Variants in ART5 observed in about 807,000 individuals in gnomAD.
The protein encoded by ART5 is ecto-ADP-ribosyltransferase 5.
A neutral mutation model predicts 25.0 loss-of-function variants in ART5; 22 were observed. The ratio of observed to expected loss-of-function variants is 0.88; its 90% confidence interval spans 0.63 to 1.26. The LOEUF is 1.26. Among genes scored for constraint, ART5 ranks in the 50% most tolerant of loss-of-function variants. The pLI, the probability that ART5 is intolerant of heterozygous loss-of-function variation, is 0.00. For synonymous variants in ART5, 161 were observed against 154.8 expected (o/e 1.04, Z -0.30); for missense variants, 402 against 372.8 (o/e 1.08, Z -0.64).
At chr11:3,641,774 C>T (rs760453952) in intron 1 of ART5, 32 bp downstream of exon 1, 2 of 1,563,280 alleles carry the variant, frequency 1.3e-6, no homozygotes, top group Non-Finnish European at 1.7e-6. Context: ...TTAATGTCCC[C>T]CTTGGGGCTA....
chr11:3,642,228 G>GGCGTT, upstream of ART5: 1 of 1,146,828 alleles, frequency 8.7e-7, no homozygotes, highest in Non-Finnish European at 1.1e-6. Flanking sequence ...GGCTCTGGCG[G>GGCGTT]GCGCTGCGCT....
At position 3,639,657 on chromosome 11, in the gene ART5, A is replaced by T; in HGVS notation, c.772T>A (p.Cys258Ser). 1 of 1,612,502 alleles carries T rather than the reference A, an allele frequency of 6.2e-7. No homozygotes were observed. Residue 258 changes from cysteine (C) to serine (S), a missense_variant, in exon 2 of 4, where the codon TGC becomes AGC. Physicochemically the swap from Cys to Ser is moderately radical, Grantham distance 112 (BLOSUM62 -1). Transcript: ENST00000397068. Reference sequence around the variant, plus strand: ...CACAGCTTACCACCCAGATAGGCGCAGTTAAAATGGCTACAGGTCTGATTA... The same window carrying T: ...CACAGCTTACCACCCAGATAGGCGCTGTTAAAATGGCTACAGGTCTGATTA... Reference protein sequence around the residue: ...SYNQTCSHFNCAYLGGEKRRG... With the variant: ...SYNQTCSHFNSAYLGGEKRRG...
Position 3,638,769 on chromosome 11 carries a change from T to A in ART5, c.845A>T (p.His282Leu). 1.2e-6 allele frequency: 2 copies of A among 1,614,106 alleles called. No homozygotes were observed. Among genetic ancestry groups the A allele is most frequent in the South Asian group, 1.1e-5 (1 of 91,074 alleles). ...APGALGTGDL[H>L]MTKRHLQQP The stretch of plus-strand genomic sequence containing the variant: ...CTGCTGGAGGTGCCTCTTCGTCATA[T>A]GAAGGTCACCCGTTCCCAGGGCTCC... The change falls in exon 4 of 4, where the codon CAT becomes CTT. Residue 282 changes from histidine to leucine, a missense_variant. Transcript: ENST00000397068.
Position 3,639,037 on chromosome 11 carries a change from T to G in ART5, c.788-2A>C. 6.4e-7 allele frequency: 1 copy of G among 1,552,256 alleles called. No individual in the cohort carries two copies. The highest frequency in any genetic ancestry group is 8.7e-7 in the Non-Finnish European group (1 of 1,148,016). ...ACACACAGCCCCGCCTCTTCTCCCC[T>G]GCAACAGACAGCAGGGTGAGGCCTC... On this transcript the variant is annotated splice_acceptor_variant, in intron 2 of 3. Transcript: ENST00000397068. LOFTEE classifies it high-confidence loss of function.
intron 1 of ART5, 126 bp from the exon 2 acceptor site, chr11:3,640,497 A>G (rs1386805901): frequency 1.6e-6 from 2 of 1,269,882 alleles, no homozygotes; most frequent in Non-Finnish European, 2.1e-6. Context: ...AGGTATATGC[A>G]ATTTGGCAAG....
chr11:3,638,958 G>A (rs1343869152), intron 3 of ART5, 45 bp downstream of exon 3: 4 of 1,567,682 alleles, frequency 2.6e-6, no homozygotes, highest in Middle Eastern at 1.7e-4. Flanking sequence ...TCAGCAGGGT[G>A]AGGGGGAGTC....
rs764827799 is a variant in ART5, at chr11:3,640,271, A to AG, written c.157dup (p.Leu53ProfsTer116). ...ATGGTGGGCCATTTCCTCCTTTAGC[A>AG]GGGGGGCTGCCTTCTCCTCCATCTC... On this transcript the variant is annotated frameshift_variant, in exon 2 of 4. Transcript: ENST00000397068. LOFTEE classifies it high-confidence loss of function. The AG allele has an allele frequency of 1.9e-6, 3 of 1,613,366 alleles. No individual in the cohort carries two copies. Among genetic ancestry groups the AG allele is most frequent in the South Asian group, 2.2e-5 (2 of 91,088 alleles).
intron 2 of ART5, 37 bp from the exon 3 acceptor site, chr11:3,639,072 A>G (rs1383186975): frequency 6.5e-7 from 1 of 1,549,072 alleles, no homozygotes; most frequent in Non-Finnish European, 8.7e-7. Flanking sequence ...CCGCGTGGAC[A>G]GACTCGCACC....
In ART5 at chr11:3,638,682, C is replaced by A; in HGVS notation, c.*56G>T. ...CCCTGCTGTGGCCTCCCCAGGCCAA[C>A]ATCCTGGTTGGGGAGAAGGCTGCTA... On this transcript the variant is annotated 3_prime_UTR_variant, in exon 4 of 4. Coordinates refer to ENST00000397068, the MANE Select transcript of ART5 (RefSeq NM_053017.5). 1 of 1,609,688 alleles carries A rather than the reference C, an allele frequency of 6.2e-7. No homozygotes were observed. The highest frequency in any genetic ancestry group is 8.5e-7 in the Non-Finnish European group (1 of 1,176,116).
At chr11:3,642,121 G>C (rs948594161), upstream of ART5, 1 of 1,339,200 alleles carries the variant, frequency 7.5e-7, no homozygotes, top group African/African-American at 1.5e-5. Context: ...AGACTGTAAA[G>C]GCGGGGCCGC....
At chr11:3,639,264 T>C (rs374733171) in intron 2 of ART5, among the ~76,000 whole-genome samples, 1 of 152,310 alleles carries the variant, frequency 6.6e-6, no homozygotes, top group East Asian at 1.9e-4. Context: ...CTCCCTGCCT[T>C]AGCACTTGGG....
In ART5 at chr11:3,639,033, C is replaced by A. The variant is rs1015280015; in HGVS notation, c.790G>T (p.Glu264Ter). The A allele has an allele frequency of 6.4e-7, 1 of 1,552,596 alleles. No individual in the cohort carries two copies. The highest frequency in any genetic ancestry group is 1.2e-5 in the South Asian group (1 of 84,158). ...GCAGACACACAGCCCCGCCTCTTCT[C>A]CCCTGCAACAGACAGCAGGGTGAGG... ...SHFNCAYLGGEKRRGCVSAPG... is the reference protein window; with the variant it reads ...SHFNCAYLGG The change falls in exon 3 of 4, where the codon GAG (glutamate) becomes TAG (stop). Residue 264 changes from glutamate to a stop codon, truncating the protein, a stop_gained and splice_region_variant. Transcript: ENST00000397068. LOFTEE classifies it low-confidence loss of function (END_TRUNC).
At position 3,641,891 on chromosome 11, in the gene ART5, C is replaced by T; in HGVS notation, c.-29G>A. 1 of 1,555,862 alleles carries T rather than the reference C, an allele frequency of 6.4e-7. No homozygotes were observed. The highest frequency in any genetic ancestry group is 8.7e-7 in the Non-Finnish European group (1 of 1,152,350). On this transcript the variant is annotated 5_prime_UTR_variant, in exon 1 of 4. Transcript: ENST00000397068. Reference sequence around the variant, plus strand: ...TGGAGGAGACGTGAGGGCCAGGGGTCCGGGTGAGGGCGGGACCAGAGGTGC... The same window carrying T: ...TGGAGGAGACGTGAGGGCCAGGGGTTCGGGTGAGGGCGGGACCAGAGGTGC...
chr11:3,641,614 G>A (rs914624631), intron 1 of ART5, among the ~76,000 whole-genome samples, 192 bp downstream of exon 1: 1 of 152,150 alleles, frequency 6.6e-6, no homozygotes, highest in Non-Finnish European at 1.5e-5. Context: ...TGGAGATGGG[G>A]GTTCTAGGAG....
rs144276806 is a variant in ART5, at chr11:3,640,224, C to T, written c.205G>A (p.Glu69Lys). The T allele has an allele frequency of 5.8e-5, 94 of 1,613,756 alleles. No individual in the cohort carries two copies. The African/African-American group carries it at 6.4e-4, about 11-fold the overall frequency. Residue 69 changes from glutamate to lysine, a missense_variant, in exon 2 of 4, where the codon GAG (glutamate) becomes AAG (lysine). By Grantham distance (56) the Glu-to-Lys change is moderately conservative (BLOSUM62 1). Transcript: ENST00000397068. ...AHHALLRESW[E>K]AAQETWEDKR... ...TCCTCCCAGGTCTCCTGGGCTGCCT[C>T]CCAGGATTCCCGCAGCAGGGCATGG...
Position 3,639,901 on chromosome 11 carries a change from G to A in ART5, c.528C>T (p.Val176=). Residue 176 remains valine, a synonymous_variant, in exon 2 of 4, where the codon GTC becomes GTT. Transcript: ENST00000397068. ...RFEPKRLGDS[V]RLGQFASSSL... ...AGCTGGAGGCAAACTGGCCCAAGCG[G>A]ACAGAGTCTCCCAGCCTCTTGGGTT... The A allele has an allele frequency of 6.2e-7, 1 of 1,614,190 alleles. No homozygotes were observed. Among genetic ancestry groups the A allele is most frequent in the Non-Finnish European group, 8.5e-7 (1 of 1,180,034 alleles).
Position 3,641,796 on chromosome 11 carries a change from C to T in ART5, c.57+10G>A, listed in dbSNP as rs1356250998. 1 of 1,573,422 alleles carries T rather than the reference C, an allele frequency of 6.4e-7. No homozygotes were observed. Among genetic ancestry groups the T allele is most frequent in the South Asian group, 1.2e-5 (1 of 85,580 alleles). On this transcript the variant is annotated intron_variant, in intron 1 of 3. Transcript: ENST00000397068. The stretch of plus-strand genomic sequence containing the variant: ...CCCCCTTGGGGCTAGGAGATGGTTC[C>T]TGGAGTTACCTGCCAGGTGTGGAGG...
At position 3,640,108 on chromosome 11, in the gene ART5, G is replaced by C. The variant is rs777713113; in HGVS notation, c.321C>G (p.Tyr107Ter). The change falls in exon 2 of 4, where the codon TAC (tyrosine) becomes TAG (stop). Residue 107 changes from tyrosine (Y) to a stop codon, truncating the protein, a stop_gained. Transcript: ENST00000397068. LOFTEE classifies it high-confidence loss of function. ...MVYTNSSNTLYWELNQAVRTG... is the reference protein window; with the variant it reads ...MVYTNSSNTL Reference sequence around the variant, plus strand: ...TCCGCACGGCCTGATTCAACTCCCAGTACAAGGTGTTCGATGAGTTGGTGT... The same window carrying C: ...TCCGCACGGCCTGATTCAACTCCCACTACAAGGTGTTCGATGAGTTGGTGT... The C allele has an allele frequency of 3.7e-6, 6 of 1,614,208 alleles. No individual in the cohort carries two copies. The highest frequency in any genetic ancestry group is 5.1e-6 in the Non-Finnish European group (6 of 1,180,050).
upstream of ART5, chr11:3,642,003 C>A: frequency 2.1e-6 from 3 of 1,457,602 alleles, no homozygotes; most frequent in Non-Finnish European, 2.7e-6. Flanking sequence ...AGGGCCCCGG[C>A]GGGGCGTGGG....
Sources: allele counts gnomAD v4.1 joint callset (sites outside exome capture counted in the v4.1 genomes callset), GRCh38; gene constraint gnomAD v4.1.1; transcripts MANE v1.5; gene names NCBI Gene and HGNC (gene_info 2026-07-23, HGNC 2026-07-21).